Variants in CRIPT observed in about 807,000 individuals in gnomAD.
The protein encoded by CRIPT is CXXC repeat containing interactor of PDZ3 domain.
In CRIPT, 20 loss-of-function variants were observed where a neutral mutation model predicts 16.6. The observed-to-expected ratio is 1.20, with a 90% CI of 0.85 to 1.75. The LOEUF is 1.75. CRIPT is among the 40% of genes most tolerant of loss of function. The pLI is 0.00. For synonymous variants in CRIPT, 42 were observed against 37.0 expected (o/e 1.14, Z -0.49); for missense variants, 133 against 115.3 (o/e 1.15, Z -0.70).
intron 3 of CRIPT, among the ~76,000 whole-genome samples, chr2:46,621,425 A>G (rs1670802117): frequency 6.6e-6 from 1 of 152,208 alleles, no homozygotes; most frequent in South Asian, 2.1e-4. Context: ...TTTGGGTCTC[A>G]GCTTCAGAGA....
intron 3 of CRIPT, among the ~76,000 whole-genome samples, chr2:46,622,827 G>T (rs1210088711): frequency 6.6e-6 from 1 of 151,554 alleles, no homozygotes; most frequent in Non-Finnish European, 1.5e-5. Context: ...AAAAAAAAGT[G>T]ATATTCTCTG....
chr2:46,624,255 A>C lies in CRIPT; in HGVS notation c.*28A>C. On this transcript the variant is annotated 3_prime_UTR_variant, in exon 5 of 5. Coordinates refer to ENST00000238892, the MANE Select transcript of CRIPT (RefSeq NM_014171.6). ...GTATTGATGGAATTTCTGGCTTTCT[A>C]AATGATTTTACTTTCTGCCTTGAAT... 1 of 1,481,778 alleles carries C rather than the reference A, an allele frequency of 6.7e-7. No homozygotes were observed. Among genetic ancestry groups the C allele is most frequent in the Non-Finnish European group, 9.2e-7 (1 of 1,091,318 alleles). 91.8% of individuals were successfully genotyped at this position (1,481,778 alleles called of 1,614,324 possible).
At chr2:46,624,035 ATATATATTT>A in intron 4 of CRIPT, 119 bp from the exon 5 acceptor site, 1 of 390,184 alleles carries the variant, frequency 2.6e-6, no homozygotes, top group Non-Finnish European at 4.2e-6. Context: ...TTATATATAT[ATATATATTT>A]TTTTTTTCTT....
At chr2:46,624,106 T>A in intron 4 of CRIPT, 57 bp from the exon 5 acceptor site, 1 of 1,294,332 alleles carries the variant, frequency 7.7e-7, no homozygotes, top group African/African-American at 1.5e-5. Flanking sequence ...CAGGATTGAC[T>A]TAAACCAAAC....
chr2:46,618,192 A>G (rs570418279), intron 1 of CRIPT, among the ~76,000 whole-genome samples: 1 of 151,144 alleles, frequency 6.6e-6, no homozygotes, highest in East Asian at 1.9e-4. Context: ...CGATTATTAT[A>G]CTTTTTATTT....
At chr2:46,617,343 C>A in intron 1 of CRIPT, 45 bp downstream of exon 1, 2 of 1,546,408 alleles carry the variant, frequency 1.3e-6, no homozygotes, top group South Asian at 2.4e-5. Flanking sequence ...GCTGGGAGAA[C>A]CTAACTGAGC....
chr2:46,618,087 C>T (rs927988552), intron 1 of CRIPT, among the ~76,000 whole-genome samples: 1 of 151,164 alleles, frequency 6.6e-6, no homozygotes, highest in Non-Finnish European at 1.5e-5. Flanking sequence ...TATCCAAATC[C>T]TCTGTCTTGC....
chr2:46,622,566 C>A (rs566843397), intron 3 of CRIPT, among the ~76,000 whole-genome samples: 97 of 152,180 alleles, frequency 6.4e-4, no homozygotes, highest in Middle Eastern at 3.4e-3. Flanking sequence ...GTGATCCCAG[C>A]ACTTTGGGAG....
chr2:46,621,667 G>A (rs910011146), intron 3 of CRIPT, among the ~76,000 whole-genome samples: 5 of 152,222 alleles, frequency 3.3e-5, no homozygotes, highest in Non-Finnish European at 7.3e-5. Flanking sequence ...TAAATACCAT[G>A]TAATATTAAG....
chr2:46,627,408 G>A lies in CRIPT; in HGVS notation c.*3181G>A, dbSNP rs1264759770. 6.6e-6 allele frequency among the ~76,000 whole-genome samples: 1 copy of A among 151,496 alleles called. No homozygotes were observed. The highest frequency in any genetic ancestry group is 1.9e-4 in the East Asian group (1 of 5,184). ...ATGTTATTTCGTAGGTTTTCTTCTA[G>A]GACTCTTATAGCTTGAAGTCTTACA... On this transcript the variant is annotated 3_prime_UTR_variant, in exon 5 of 5. Coordinates refer to ENST00000238892, the MANE Select transcript of CRIPT (RefSeq NM_014171.6).
At chr2:46,624,025 TTA>T (rs143495119) in intron 4 of CRIPT, 136 bp from the exon 5 acceptor site, 608 of 398,362 alleles carry the variant, frequency 1.5e-3, no homozygotes, top group Middle Eastern at 3.9e-3. Context: ...ATAATTAAAA[TTA>T]TATATATATA....
In CRIPT at chr2:46,619,701, G is replaced by C; in HGVS notation, c.137+20G>C. The C allele has an allele frequency of 6.3e-7, 1 of 1,590,002 alleles. No homozygotes were observed. Among genetic ancestry groups the C allele is most frequent in the East Asian group, 2.2e-5 (1 of 44,474 alleles). On this transcript the variant is annotated intron_variant, in intron 3 of 4. Coordinates refer to ENST00000238892, the MANE Select transcript of CRIPT (RefSeq NM_014171.6). ...AGCAAGGTGGGTAAGAGGATCCATCGATGGGTCACATAAATTTCCTTCTTT... is the reference window on the plus strand; with the variant it reads ...AGCAAGGTGGGTAAGAGGATCCATCCATGGGTCACATAAATTTCCTTCTTT...
In CRIPT at chr2:46,628,019, A is replaced by G. The variant is rs1670980800; in HGVS notation, c.*3792A>G. Among the ~76,000 whole-genome samples the G allele has an allele frequency of 6.6e-6, 1 of 151,560 alleles. No homozygotes were observed. The highest frequency in any genetic ancestry group is 2.4e-5 in the African/African-American group (1 of 41,260). ...TTGGTTACTGTAGCTTCCTTATAGT[A>G]TAGTTTAACTCAGGTAATGTGATAC... is the stretch of plus-strand genomic sequence containing the variant. On this transcript the variant is annotated 3_prime_UTR_variant, in exon 5 of 5. Coordinates refer to ENST00000238892, the MANE Select transcript of CRIPT (RefSeq NM_014171.6).
rs889974278 is a variant in CRIPT at position 46,624,366 on chromosome 2, G to A, written c.*139G>A. The stretch of plus-strand genomic sequence containing the variant: ...AGAGAATTTGATTGTTACTCATTTT[G>A]CTCTCATGTTCTAAACAGCAACAGT... On this transcript the variant is annotated 3_prime_UTR_variant, in exon 5 of 5. Transcript: ENST00000238892. 4.3e-6 allele frequency: 2 copies of A among 461,182 alleles called. No homozygotes were observed. Among genetic ancestry groups the A allele is most frequent in the African/African-American group, 4.0e-5 (2 of 49,732 alleles). The allele number at this position is 461,182 out of a possible 1,614,324, so 28.6% of individuals were successfully genotyped here.
chr2:46,617,579 G>A (rs1328594576), intron 1 of CRIPT, among the ~76,000 whole-genome samples: 1 of 152,094 alleles, frequency 6.6e-6, no homozygotes, highest in Non-Finnish European at 1.5e-5. Flanking sequence ...ATAAAAATGT[G>A]CAGTTAAACC....
At position 46,625,844 on chromosome 2, in the gene CRIPT, T is replaced by C. The variant is rs1432489541; in HGVS notation, c.*1617T>C. 1.3e-5 allele frequency: 2 copies of C among 152,198 alleles called. No homozygotes were observed. The highest frequency in any genetic ancestry group is 6.5e-5 in the Admixed American group (1 of 15,288). The allele number at this position is 152,198 out of a possible 1,614,324, so 9.4% of individuals were successfully genotyped here. Reference sequence around the variant, plus strand: ...AGAGCATCCCAGATCCATTAAAGATTGGATTCATTGACTTGGAGAAAAGTA... The same window carrying C: ...AGAGCATCCCAGATCCATTAAAGATCGGATTCATTGACTTGGAGAAAAGTA... On this transcript the variant is annotated 3_prime_UTR_variant, in exon 5 of 5. Transcript: ENST00000238892.
At chr2:46,619,575 T>A in intron 2 of CRIPT, 52 bp from the exon 3 acceptor site, 2 of 1,248,870 alleles carry the variant, frequency 1.6e-6, no homozygotes, top group Non-Finnish European at 1.1e-6. Context: ...CTTAATATTA[T>A]ATGTTAAATG....
At position 46,627,194 on chromosome 2, in the gene CRIPT, A is replaced by G. The variant is rs956192907; in HGVS notation, c.*2967A>G. 2.0e-5 allele frequency among the ~76,000 whole-genome samples: 3 copies of G among 151,952 alleles called. No individual in the cohort carries two copies. On this transcript the variant is annotated 3_prime_UTR_variant, in exon 5 of 5. Coordinates refer to ENST00000238892, the MANE Select transcript of CRIPT (RefSeq NM_014171.6). ...GTTCCTTATAGATTTTGGACATTAG[A>G]CCTTTTTCAGATGCACAGTTTGTGA... is the stretch of plus-strand genomic sequence containing the variant.
chr2:46,621,624 G>T (rs1369850398), intron 3 of CRIPT, among the ~76,000 whole-genome samples: 3 of 152,136 alleles, frequency 2.0e-5, no homozygotes, highest in Non-Finnish European at 4.4e-5. Flanking sequence ...CAAGGGCTTT[G>T]CCTATCATGT....
Sources: allele counts gnomAD v4.1 joint callset (sites outside exome capture counted in the v4.1 genomes callset), GRCh38; gene constraint gnomAD v4.1.1; transcripts MANE v1.5; gene names NCBI Gene and HGNC (gene_info 2026-07-23, HGNC 2026-07-21).